The following SAXO1 variants were observed in gnomAD, a reference collection of about 807,000 sequenced individuals.
SAXO1 encodes 4930500O09Rik.
SAXO1 carries 21 observed loss-of-function variants against 17.5 expected under a neutral mutation model. The observed-to-expected ratio is 1.20, with a 90% CI of 0.85 to 1.72. SAXO1 has a LOEUF of 1.72. Ranked by LOEUF, SAXO1 falls within the 40% of genes most tolerant of loss-of-function variation. The pLI, the probability that SAXO1 is intolerant of heterozygous loss-of-function variation, is 0.00. For synonymous variants in SAXO1, 274 were observed against 216.5 expected (o/e 1.27, Z -2.33); for missense variants, 843 against 596.0 (o/e 1.41, Z -4.32).
intron 1 of SAXO1, among the ~76,000 whole-genome samples, chr9:18,988,499 C>A (rs564496550): frequency 6.6e-6 from 1 of 152,234 alleles, no homozygotes; most frequent in South Asian, 2.1e-4. Flanking sequence ...GCTATATGCA[C>A]AAGGCTAATA....
At chr9:18,930,920 C>G (rs1458507002) in intron 3 of SAXO1, among the ~76,000 whole-genome samples, 1 of 152,204 alleles carries the variant, frequency 6.6e-6, no homozygotes, top group Non-Finnish European at 1.5e-5. Flanking sequence ...AGGGAATTCT[C>G]TTGCTTACTG....
intron 3 of SAXO1, among the ~76,000 whole-genome samples, chr9:18,934,614 T>C (rs1453458081): frequency 1.3e-5 from 2 of 152,266 alleles, no homozygotes; most frequent in African/African-American, 4.8e-5. Context: ...ACCATATTTA[T>C]AATAGCTACT....
intron 1 of SAXO1, among the ~76,000 whole-genome samples, chr9:18,976,915 A>G (rs1393809668): frequency 6.6e-6 from 1 of 152,228 alleles, no homozygotes; most frequent in Non-Finnish European, 1.5e-5. Flanking sequence ...CGACCCCACA[A>G]AACCACAAAC....
intron 1 of SAXO1, among the ~76,000 whole-genome samples, chr9:18,999,069 A>G (rs531845376): frequency 2.2e-4 from 33 of 152,380 alleles, no homozygotes; most frequent in African/African-American, 7.9e-4. Flanking sequence ...ATAACCAGCT[A>G]GCATCATAAT....
chr9:18,952,172 C>T (rs1277168193), intron 1 of SAXO1, among the ~76,000 whole-genome samples: 2 of 152,178 alleles, frequency 1.3e-5, no homozygotes, highest in Non-Finnish European at 2.9e-5. Context: ...TCTTCACAAT[C>T]CAGCTGGGGT....
upstream of SAXO1, among the ~76,000 whole-genome samples, chr9:19,033,731 A>G (rs1835862816): frequency 6.6e-6 from 1 of 152,230 alleles, no homozygotes; most frequent in Non-Finnish European, 1.5e-5. Flanking sequence ...GATGCCTTGA[A>G]GCAGGCGTTC....
Position 19,045,280 on chromosome 9 carries a change from G to A in SAXO1, c.-158+3929C>T, listed in dbSNP as rs571468542. Among the ~76,000 whole-genome samples, 166 of 127,584 alleles carry A rather than the reference G, an allele frequency of 1.3e-3. 2 individuals carry two copies. The highest frequency in any genetic ancestry group is 1.6e-3 in the Non-Finnish European group (105 of 63,710). 83.7% of individuals were successfully genotyped at this position (127,584 alleles called of 152,430 possible). On this transcript the variant is annotated intron_variant, in intron 1 of 3. Transcript: ENST00000542071. ...AGCCGAGATTGCGCCACTGCAGTCCGCAGTCCGGCCTGGGCGACAGAGCGA... is the reference window on the plus strand; with the variant it reads ...AGCCGAGATTGCGCCACTGCAGTCCACAGTCCGGCCTGGGCGACAGAGCGA...
chr9:18,928,052 T>G lies in SAXO1; in HGVS notation c.1425A>C (p.Ter475CysextTer2). The change falls in exon 4 of 4, where the codon TGA (stop) becomes TGC (cysteine). Residue 475 changes from the stop codon to cysteine (C), a stop_lost. Coordinates refer to ENST00000380534, the MANE Select transcript of SAXO1 (RefSeq NM_153707.4). ...PNQRELEVLA[*>C] ...ATTTCTAAATTACTATTTTTCAAAA[T>G]CAGGCTAACACTTCCAACTCCCTCT... 6.4e-7 allele frequency: 1 copy of G among 1,559,190 alleles called. No homozygotes were observed. Among genetic ancestry groups the G allele is most frequent in the South Asian group, 1.2e-5 (1 of 83,966 alleles).
intron 1 of SAXO1, among the ~76,000 whole-genome samples, chr9:18,970,040 C>T (rs1044845784): frequency 1.3e-5 from 2 of 152,162 alleles, no homozygotes; most frequent in Non-Finnish European, 2.9e-5. Flanking sequence ...AAGCACAGAG[C>T]TTGGAGATGG....
chr9:19,023,826 G>A (rs1225213422), intron 1 of SAXO1, among the ~76,000 whole-genome samples: 1 of 149,234 alleles, frequency 6.7e-6, no homozygotes, highest in Non-Finnish European at 1.5e-5. Context: ...AAGAAAGGAA[G>A]GAAAGGGAGG....
chr9:18,983,790 C>G (rs1468211785), intron 1 of SAXO1, among the ~76,000 whole-genome samples: 3 of 152,166 alleles, frequency 2.0e-5, no homozygotes, highest in Non-Finnish European at 4.4e-5. Context: ...TCACCCCACT[C>G]CCACGAATCA....
intron 1 of SAXO1, among the ~76,000 whole-genome samples, chr9:19,017,269 A>G (rs1835016759): frequency 1.3e-5 from 2 of 152,112 alleles, no homozygotes; most frequent in African/African-American, 4.8e-5. Flanking sequence ...TTGAAAACCT[A>G]CCTATTGGGT....
At chr9:19,023,929 A>G (rs1342523877) in intron 1 of SAXO1, among the ~76,000 whole-genome samples, 2 of 147,654 alleles carry the variant, frequency 1.4e-5, no homozygotes, top group East Asian at 4.1e-4. Context: ...GCTTGAGCCC[A>G]GGAGTTTGAG....
chr9:19,046,697 C>T (rs1055130907), intron 1 of SAXO1, among the ~76,000 whole-genome samples: 1 of 137,906 alleles, frequency 7.3e-6, no homozygotes, highest in South Asian at 2.3e-4. Flanking sequence ...AGCAAAACTT[C>T]GTCTCAGAAA....
intron 2 of SAXO1, 36 bp from the exon 3 acceptor site, chr9:18,941,875 G>C: frequency 6.3e-7 from 1 of 1,597,906 alleles, no homozygotes. Flanking sequence ...TGGGGTCCTT[G>C]GCTTGCGATA....
At chr9:19,015,022 A>G (rs1001301073) in intron 1 of SAXO1, among the ~76,000 whole-genome samples, 8 of 152,130 alleles carry the variant, frequency 5.3e-5, no homozygotes, top group African/African-American at 1.9e-4. Flanking sequence ...GAGCTAAAAA[A>G]CGAGAGAGAG....
At chr9:18,960,614 CAAA>C (rs971394168) in intron 1 of SAXO1, among the ~76,000 whole-genome samples, 1 of 152,024 alleles carries the variant, frequency 6.6e-6, no homozygotes, top group Non-Finnish European at 1.5e-5. Flanking sequence ...CCCGAATCTA[CAAA>C]AAACAACATA....
intron 1 of SAXO1, among the ~76,000 whole-genome samples, chr9:18,960,630 A>T (rs1832446272): frequency 6.6e-6 from 1 of 152,086 alleles, no homozygotes; most frequent in Non-Finnish European, 1.5e-5. Context: ...ACAACATACA[A>T]AAGTTATCCA....
rs145455507 is a variant in SAXO1 at position 18,941,276 on chromosome 9, T to C, written c.421+361A>G. 2.9e-3 allele frequency among the ~76,000 whole-genome samples: 435 copies of C among 150,342 alleles called. 1 individual carries two copies. The highest frequency in any genetic ancestry group is 0.01 in the African/African-American group (421 of 40,586). On this transcript the variant is annotated intron_variant, in intron 3 of 3. Coordinates refer to ENST00000380534, the MANE Select transcript of SAXO1 (RefSeq NM_153707.4). ...GTCTTATGCCTCACAGACTGTAGTG[T>C]CTCTGTCAACAACTACTCAACTTTG...
Sources: allele counts gnomAD v4.1 joint callset (sites outside exome capture counted in the v4.1 genomes callset), GRCh38; gene constraint gnomAD v4.1.1; transcripts MANE v1.5; gene names NCBI Gene and HGNC (gene_info 2026-07-23, HGNC 2026-07-21).